The following PKD1L1 variants were observed in gnomAD, a reference collection of about 807,000 sequenced individuals.
The protein encoded by PKD1L1 is polycystin-1-like protein 1.
PKD1L1 carries 236 observed loss-of-function variants against 323.4 expected under a neutral mutation model. The ratio of observed to expected loss-of-function variants is 0.73; its 90% confidence interval spans 0.66 to 0.81. The LOEUF is 0.81. PKD1L1 is among the 40% of genes least tolerant of loss of function. The probability of loss-of-function intolerance (pLI) is 0.00; values close to 1 mark genes in which losing one functional copy is unlikely to be tolerated. For synonymous variants in PKD1L1, 1,344 were observed against 1,335.0 expected, an observed-to-expected ratio of 1.01 and a Z score of -0.15; for missense variants, 3,320 against 3,508.0, an observed-to-expected ratio of 0.95 and a Z score of 1.35.
At chr7:47,892,916 A>G (rs1786853264) in intron 15 of PKD1L1, among the ~76,000 whole-genome samples, 1 of 152,076 alleles carries the variant, frequency 6.6e-6, no homozygotes. Context: ...GAAAAAGAAA[A>G]AGTAAAAGAT....
At chr7:47,948,268 C>T (rs1045563776) in intron 1 of PKD1L1, 129 bp downstream of exon 1, 8 of 1,085,130 alleles carry the variant, frequency 7.4e-6, no homozygotes, top group Non-Finnish European at 1.1e-5. Flanking sequence ...ATGCACCCTC[C>T]TGGTACAGGG....
intron 47 of PKD1L1, among the ~76,000 whole-genome samples, chr7:47,814,627 C>T (rs1252263421): frequency 6.6e-6 from 1 of 152,206 alleles, no homozygotes; most frequent in Non-Finnish European, 1.5e-5. Context: ...AGCAATTCTG[C>T]CTCAGCCTTG....
At chr7:47,952,696 CAT>C (rs1030010363), upstream of PKD1L1, among the ~76,000 whole-genome samples, 32 of 152,140 alleles carry the variant, frequency 2.1e-4, no homozygotes, top group Non-Finnish European at 1.5e-4. Flanking sequence ...AGAAAAACAA[CAT>C]AGTTATTGAA....
rs183168406 is a variant in PKD1L1, at chr7:47,887,931, T to C, written c.2836+59A>G. 68 of 1,521,202 alleles carry C rather than the reference T, an allele frequency of 4.5e-5. No individual in the cohort carries two copies. In the South Asian group the frequency reaches 7.6e-4, roughly 17 times the overall value. 94.2% of individuals were successfully genotyped at this position (1,521,202 alleles called of 1,614,324 possible). A position where few individuals can be genotyped will look rare whatever the true frequency, so the allele number is the denominator to read the frequency against. On this transcript the variant is annotated intron_variant, in intron 17 of 56. Transcript: ENST00000289672. ...TGTATTTTGCAACATTTTAGCAATC[T>C]CACAATAACCCTGAGTTTTTCCCTC...
chr7:47,943,332 TA>T, intron 2 of PKD1L1, 63 bp downstream of exon 2: 1 of 1,326,300 alleles, frequency 7.5e-7, no homozygotes, highest in Non-Finnish European at 1.1e-6. Context: ...ATGTCCTGTT[TA>T]TACCAGGGAA....
chr7:47,881,486 A>G (rs1457605341), intron 20 of PKD1L1, among the ~76,000 whole-genome samples: 2 of 152,180 alleles, frequency 1.3e-5, no homozygotes, highest in Non-Finnish European at 2.9e-5. Flanking sequence ...CGAAAGGGGG[A>G]AATACAACAA....
At chr7:47,884,032 C>T (rs1786624352) in intron 19 of PKD1L1, among the ~76,000 whole-genome samples, 1 of 152,176 alleles carries the variant, frequency 6.6e-6, no homozygotes, top group Non-Finnish European at 1.5e-5. Flanking sequence ...GGGAACATAG[C>T]ATAAGCTGGC....
intron 20 of PKD1L1, among the ~76,000 whole-genome samples, chr7:47,881,035 A>G (rs1203690371): frequency 1.3e-5 from 2 of 152,070 alleles, no homozygotes; most frequent in African/African-American, 4.8e-5. Flanking sequence ...TCCCTGGCTC[A>G]GAAATGACAC....
chr7:47,844,878 T>C lies in PKD1L1; in HGVS notation c.5237+117A>G, dbSNP rs9639988. The C allele has an allele frequency of 0.19, 126,302 of 679,786 alleles. 12,999 individuals are homozygous for C. The highest frequency in any genetic ancestry group is 0.22 in the East Asian group (7,910 of 35,764). 42.1% of individuals were successfully genotyped at this position (679,786 alleles called of 1,614,324 possible). ...TCTACTAATATGCACATTTCAAAAATGCAATGATAGTAAGTAACATGGATT... is the reference window on the plus strand; with the variant it reads ...TCTACTAATATGCACATTTCAAAAACGCAATGATAGTAAGTAACATGGATT... On this transcript the variant is annotated intron_variant, in intron 33 of 56. Transcript: ENST00000289672.
intron 31 of PKD1L1, among the ~76,000 whole-genome samples, chr7:47,847,334 C>T (rs943316670): frequency 2.0e-5 from 3 of 152,180 alleles, no homozygotes; most frequent in Non-Finnish European, 2.9e-5. Flanking sequence ...TTTCTAGCAT[C>T]CCGTATGTTC....
At chr7:47,925,595 G>A (rs1787641748) in intron 7 of PKD1L1, among the ~76,000 whole-genome samples, 2 of 152,096 alleles carry the variant, frequency 1.3e-5, no homozygotes, top group African/African-American at 4.8e-5. Flanking sequence ...AATGAGTTCA[G>A]GCCATAATGG....
upstream of PKD1L1, among the ~76,000 whole-genome samples, chr7:47,951,437 A>G (rs111244670): frequency 4.6e-3 from 694 of 152,338 alleles, 2 homozygotes; most frequent in Non-Finnish European, 7.1e-3. Context: ...ACTGCTTCTT[A>G]GGTAATAGTT....
intron 19 of PKD1L1, among the ~76,000 whole-genome samples, chr7:47,883,587 T>C (rs1367941334): frequency 6.6e-6 from 1 of 152,002 alleles, no homozygotes; most frequent in East Asian, 1.9e-4. Flanking sequence ...GACCTGGGAG[T>C]ATTTTCTTTG....
At chr7:47,829,905 T>C in intron 43 of PKD1L1, 135 bp downstream of exon 43, 1 of 879,922 alleles carries the variant, frequency 1.1e-6, no homozygotes, top group Admixed American at 2.3e-5. Context: ...GCCTGGCTCC[T>C]GGTTCTCTCC....
At chr7:47,826,560 T>C (rs1276626049) in intron 45 of PKD1L1, among the ~76,000 whole-genome samples, 1 of 152,232 alleles carries the variant, frequency 6.6e-6, no homozygotes, top group East Asian at 1.9e-4. Flanking sequence ...TTCTGTGACA[T>C]GCTATTTTTT....
intron 1 of PKD1L1, among the ~76,000 whole-genome samples, chr7:47,947,628 C>T (rs916905725): frequency 6.6e-6 from 1 of 152,254 alleles, no homozygotes; most frequent in Non-Finnish European, 1.5e-5. Flanking sequence ...CTCAACAACA[C>T]ATGGGTGCTG....
the PKD1L1 span, among the ~76,000 whole-genome samples, chr7:47,959,613 C>A: frequency 8.6e-6 from 1 of 116,174 alleles, no homozygotes; most frequent in Non-Finnish European, 2.0e-5. Context: ...AAGTGAGGAG[C>A]CCCTCCGCCC....
intron 7 of PKD1L1, among the ~76,000 whole-genome samples, chr7:47,928,997 T>C (rs553369525): frequency 6.6e-5 from 10 of 152,352 alleles, no homozygotes; most frequent in African/African-American, 2.4e-4. Flanking sequence ...CAATGAAGTA[T>C]GTAGAGTTGG....
chr7:47,897,899 G>A lies in PKD1L1; in HGVS notation c.2271+89C>T, dbSNP rs904601916. On this transcript the variant is annotated intron_variant, in intron 14 of 56. Transcript: ENST00000289672. Reference sequence around the variant, plus strand: ...CTCCCTTTTCCTGGATCGAACAGGTGTTGAATTCCAAATGCTGAGCTCTTG... The same window carrying A: ...CTCCCTTTTCCTGGATCGAACAGGTATTGAATTCCAAATGCTGAGCTCTTG... The A allele has an allele frequency of 5.5e-6, 6 of 1,086,570 alleles. No individual in the cohort carries two copies. The Admixed American group carries it at 2.0e-4, about 35-fold the overall frequency. The allele number at this position is 1,086,570 out of a possible 1,614,324, so 67.3% of individuals were successfully genotyped here.
Sources: allele counts gnomAD v4.1 joint callset (sites outside exome capture counted in the v4.1 genomes callset), GRCh38; gene constraint gnomAD v4.1.1; transcripts MANE v1.5; gene names NCBI Gene and HGNC (gene_info 2026-07-23, HGNC 2026-07-21).